The following EARS2 variants were observed in gnomAD, a reference collection of about 807,000 sequenced individuals.
The protein encoded by EARS2 is glutamyl-tRNA synthetase 2, mitochondrial.
In EARS2, 50 loss-of-function variants were observed where a neutral mutation model predicts 54.1. The ratio of observed to expected loss-of-function variants is 0.92; its 90% CI spans 0.74 to 1.17. The LOEUF (loss-of-function observed/expected upper bound fraction) is 1.17, where lower values mean the gene tolerates loss of function less well. Ranked by LOEUF, EARS2 falls within the 50% of genes most tolerant of loss-of-function variation. EARS2 has a pLI of 0.00. For missense variants in EARS2, 673 were observed against 675.0 expected, an observed-to-expected ratio of 1.00 and a Z score of 0.03; for synonymous variants, 298 against 281.0, an observed-to-expected ratio of 1.06 and a Z score of -0.61.
chr16:23,538,419 G>T (rs140794772), intron 3 of EARS2, among the ~76,000 whole-genome samples: 128 of 152,244 alleles, frequency 8.4e-4, no homozygotes, highest in African/African-American at 3.0e-3. Context: ...GATTACAGGC[G>T]TGAGCCACCG....
At chr16:23,527,448 C>T (rs1222104567) in intron 7 of EARS2, among the ~76,000 whole-genome samples, 3 of 151,936 alleles carry the variant, frequency 2.0e-5, no homozygotes, top group East Asian at 3.9e-4. Flanking sequence ...GAACTGGGTT[C>T]ATAAGTGATT....
chr16:23,524,871 C>G (rs944488609), intron 8 of EARS2: 14 of 424,440 alleles, frequency 3.3e-5, no homozygotes, highest in Non-Finnish European at 4.6e-5. Context: ...TCTCAAACTC[C>G]TGACCTCAGG....
chr16:23,529,416 C>G, intron 7 of EARS2, 86 bp downstream of exon 7: 1 of 1,514,690 alleles, frequency 6.6e-7, no homozygotes, highest in Non-Finnish European at 8.9e-7. Flanking sequence ...GGGGCCCCAA[C>G]AGCCCAGCCC....
Position 23,542,891 on chromosome 16 carries a change from G to A in EARS2, c.485+1623C>T, listed in dbSNP as rs970876570. Among the ~76,000 whole-genome samples the A allele has an allele frequency of 2.6e-5, 4 of 152,072 alleles. No homozygotes were observed. The South Asian group carries it at 6.2e-4, about 24-fold the overall frequency. On this transcript the variant is annotated intron_variant, in intron 3 of 8. Transcript: ENST00000449606. ...GCACTTTGGGAGGCTGAGGTGGGAAGATTGTTCGAGTTCAGGAGTTTGAGA... is the reference window on the plus strand; with the variant it reads ...GCACTTTGGGAGGCTGAGGTGGGAAAATTGTTCGAGTTCAGGAGTTTGAGA...
At chr16:23,552,007 C>A in intron 2 of EARS2, 142 bp downstream of exon 2, 1 of 995,060 alleles carries the variant, frequency 1.0e-6, no homozygotes, top group Non-Finnish European at 1.5e-6. Flanking sequence ...TCATCTGCCA[C>A]CCCGGGCAGG....
intron 5 of EARS2, among the ~76,000 whole-genome samples, chr16:23,532,095 G>A (rs529949585): frequency 1.8e-4 from 28 of 152,340 alleles, no homozygotes; most frequent in African/African-American, 5.3e-4. Flanking sequence ...TTAAAGGTGT[G>A]AGCCGCCACA....
chr16:23,543,449 A>C (rs111298364), intron 3 of EARS2, among the ~76,000 whole-genome samples: 12,414 of 151,098 alleles, frequency 0.082, 911 homozygotes, highest in African/African-American at 0.19. Context: ...CAAAAAAAAA[A>C]CCAAAAAACC....
chr16:23,524,462 C>CA lies in EARS2; in HGVS notation c.1489-9dup, dbSNP rs752357109. 6.2e-7 allele frequency: 1 copy of CA among 1,612,918 alleles called. No homozygotes were observed. Among genetic ancestry groups the CA allele is most frequent in the Admixed American group, 1.7e-5 (1 of 59,948 alleles). On this transcript the variant is annotated splice_polypyrimidine_tract_variant and intron_variant, in intron 8 of 8. Coordinates refer to ENST00000449606, the MANE Select transcript of EARS2 (RefSeq NM_001083614.2). The stretch of plus-strand genomic sequence containing the variant: ...AGCTACAGGAGGTCCTTGCTAAGAA[C>CA]AAAAAGAGCAAATATTGCCTTACTA...
chr16:23,552,744 G>A (rs1474227067), intron 1 of EARS2, among the ~76,000 whole-genome samples: 3 of 152,314 alleles, frequency 2.0e-5, no homozygotes, highest in Admixed American at 1.3e-4. Context: ...CCCCAGCCTC[G>A]GCCTCCCAAG....
At chr16:23,546,141 T>C (rs533392633) in intron 2 of EARS2, among the ~76,000 whole-genome samples, 15 of 152,296 alleles carry the variant, frequency 9.8e-5, no homozygotes, top group South Asian at 4.1e-4. Context: ...TGCTATAGAA[T>C]AGATTAAATA....
At chr16:23,530,228 C>G (rs1407394943) in intron 5 of EARS2, among the ~76,000 whole-genome samples, 3 of 152,056 alleles carry the variant, frequency 2.0e-5, no homozygotes, top group African/African-American at 7.2e-5. Context: ...TAGGCTCAAG[C>G]GATCCTCCCA....
At chr16:23,547,522 C>T (rs1280122480) in intron 2 of EARS2, among the ~76,000 whole-genome samples, 1 of 151,648 alleles carries the variant, frequency 6.6e-6, no homozygotes, top group Non-Finnish European at 1.5e-5. Flanking sequence ...TTTTTTTCCC[C>T]GAAGACAGAG....
Position 23,535,349 on chromosome 16 carries a change from C to T in EARS2, c.497G>A (p.Arg166Gln), listed in dbSNP as rs372147741. 7.9e-5 allele frequency: 127 copies of T among 1,598,772 alleles called. No homozygotes were observed. Among genetic ancestry groups the T allele is most frequent in the Middle Eastern group, 2.2e-4 (1 of 4,454 alleles). The change falls in exon 4 of 9, where the codon CGG (arginine) becomes CAG (glutamine). Residue 166 changes from arginine to glutamine, a missense_variant. Arg to Gln is a conservative substitution (Grantham distance 43). Transcript: ENST00000449606. ...RNHQTPRYDN[R>Q]CRNMSQEQVA... is the part of the protein sequence containing the mutation. ...CTGCTCCTGGCTCATGTTCCTGCACCGATTGTCATACCTGATGGGGAGCAG... is the reference window on the plus strand; with the variant it reads ...CTGCTCCTGGCTCATGTTCCTGCACTGATTGTCATACCTGATGGGGAGCAG...
At chr16:23,525,427 G>C in intron 7 of EARS2, 48 bp from the exon 8 acceptor site, 1 of 1,574,680 alleles carries the variant, frequency 6.4e-7, no homozygotes, top group Non-Finnish European at 8.6e-7. Context: ...CCAATGGCAA[G>C]TGGGTGGGAG....
intron 2 of EARS2, among the ~76,000 whole-genome samples, chr16:23,545,677 T>C (rs1965591809): frequency 6.6e-6 from 1 of 152,188 alleles, no homozygotes; most frequent in Non-Finnish European, 1.5e-5. Context: ...GCCTTTCTTT[T>C]TCTAAGAGAT....
chr16:23,546,789 G>A (rs1965610378), intron 2 of EARS2, among the ~76,000 whole-genome samples: 1 of 152,178 alleles, frequency 6.6e-6, no homozygotes, highest in African/African-American at 2.4e-5. Flanking sequence ...AAACTCCTGG[G>A]CTCAAGTGAT....
rs141499212 is a variant in EARS2, at chr16:23,524,280, G to A, written c.*91C>T. On this transcript the variant is annotated 3_prime_UTR_variant, in exon 9 of 9. Coordinates refer to ENST00000449606, the MANE Select transcript of EARS2 (RefSeq NM_001083614.2). ...TCTTAGTTCCTTCAGCAAACTTCCCGACGGGCCCCAGGCCTCCTTCTGGTC... is the reference window on the plus strand; with the variant it reads ...TCTTAGTTCCTTCAGCAAACTTCCCAACGGGCCCCAGGCCTCCTTCTGGTC... 347 of 1,102,394 alleles carry A rather than the reference G, an allele frequency of 3.1e-4. 2 individuals carry two copies. In the African/African-American group the frequency reaches 4.6e-3, roughly 14 times the overall value. 68.3% of individuals were successfully genotyped at this position (1,102,394 alleles called of 1,614,324 possible). A position where few individuals can be genotyped will look rare whatever the true frequency, so the allele number is the denominator to read the frequency against.
rs1456227478 is a variant in EARS2 at position 23,524,324 on chromosome 16, G to C, written c.*47C>G. 2 of 1,551,158 alleles carry C rather than the reference G, an allele frequency of 1.3e-6. No homozygotes were observed. Among genetic ancestry groups the C allele is most frequent in the Admixed American group, 3.4e-5 (2 of 59,682 alleles). ...TCTGGTCTCTGAAAGCTGTTTCTAA[G>C]CTCACAGGTTCTTAGGGCGATCTCC... On this transcript the variant is annotated 3_prime_UTR_variant, in exon 9 of 9. Coordinates refer to ENST00000449606, the MANE Select transcript of EARS2 (RefSeq NM_001083614.2).
chr16:23,540,262 G>A (rs1288689565), intron 3 of EARS2, among the ~76,000 whole-genome samples: 1 of 152,122 alleles, frequency 6.6e-6, no homozygotes, highest in East Asian at 1.9e-4. Flanking sequence ...ATTCAAGGCT[G>A]CAATGAGCTG....
Sources: gnomAD v4.1 joint callset for allele counts (sites outside exome capture counted in the v4.1 genomes callset) on GRCh38, gnomAD v4.1.1 for gene constraint, MANE v1.5 for transcripts, NCBI Gene and HGNC (gene_info 2026-07-23, HGNC 2026-07-21) for gene names.